SH3BGR: variants seen among roughly 807,000 people sequenced by gnomAD.
SH3BGR encodes SH3 domain binding glutamate rich protein, also known as SH3 domain-binding glutamic acid-rich protein.
Under a neutral mutation model 24.5 loss-of-function variants are expected in SH3BGR, and 29 were observed. The ratio of observed to expected loss-of-function variants is 1.18; its 90% CI spans 0.88 to 1.61. The LOEUF (loss-of-function observed/expected upper bound fraction) is 1.61. Ranked by LOEUF, SH3BGR falls within the 40% of genes most tolerant of loss-of-function variation. The pLI is 0.00. For missense variants in SH3BGR, 162 were observed against 205.8 expected, an observed-to-expected ratio of 0.79 and a Z score of 1.30; for synonymous variants, 55 against 65.7, an observed-to-expected ratio of 0.84 and a Z score of 0.79.
chr21:39,465,516 T>C (rs1400319613), intron 2 of SH3BGR, among the ~76,000 whole-genome samples: 1 of 152,326 alleles, frequency 6.6e-6, no homozygotes, highest in Admixed American at 6.5e-5. Context: ...AAAATCAGAG[T>C]GTATCATATA....
upstream of SH3BGR, among the ~76,000 whole-genome samples, chr21:39,448,724 A>G (rs1386338904): frequency 6.6e-6 from 1 of 152,178 alleles, no homozygotes. Context: ...TCACAGCCAG[A>G]AGGATGAGGG....
chr21:39,449,439 T>C (rs2077548623), upstream of SH3BGR, among the ~76,000 whole-genome samples: 1 of 152,222 alleles, frequency 6.6e-6, no homozygotes, highest in African/African-American at 2.4e-5. Flanking sequence ...CACTAAATTA[T>C]ACACCTTCTT....
chr21:39,469,894 G>T (rs1394047549), intron 2 of SH3BGR, among the ~76,000 whole-genome samples: 1 of 152,014 alleles, frequency 6.6e-6, no homozygotes, highest in East Asian at 1.9e-4. Context: ...GACCTCAGGT[G>T]ATCCACCAGC....
At chr21:39,466,201 T>G (rs2077839104) in intron 2 of SH3BGR, among the ~76,000 whole-genome samples, 1 of 152,214 alleles carries the variant, frequency 6.6e-6, no homozygotes, top group African/African-American at 2.4e-5. Context: ...AGTGGCTAGT[T>G]CTCCGTGACT....
chr21:39,458,466 G>T (rs2077700908), intron 1 of SH3BGR, among the ~76,000 whole-genome samples: 1 of 151,934 alleles, frequency 6.6e-6, no homozygotes, highest in Non-Finnish European at 1.5e-5. Flanking sequence ...AGCCTCCTGA[G>T]TAGCGGGATT....
chr21:39,510,721 G>C (rs1051157149), intron 5 of SH3BGR, among the ~76,000 whole-genome samples: 1 of 151,206 alleles, frequency 6.6e-6, no homozygotes, highest in Non-Finnish European at 1.5e-5. Context: ...CTTCAAAATA[G>C]AATTTTAAAA....
intron 4 of SH3BGR, among the ~76,000 whole-genome samples, chr21:39,505,392 C>G (rs2078565157): frequency 6.6e-6 from 1 of 152,146 alleles, no homozygotes; most frequent in African/African-American, 2.4e-5. Flanking sequence ...ATTCTCTGAG[C>G]AATCACTTCC....
chr21:39,446,458 C>T (rs2077469909), intron 1 of SH3BGR, among the ~76,000 whole-genome samples: 1 of 152,084 alleles, frequency 6.6e-6, no homozygotes, highest in East Asian at 1.9e-4. Context: ...TTCCTACAAG[C>T]GAGGTTGCAG....
chr21:39,465,339 G>C (rs34464506), intron 2 of SH3BGR, among the ~76,000 whole-genome samples: 1 of 152,138 alleles, frequency 6.6e-6, no homozygotes, highest in African/African-American at 2.4e-5. Context: ...TCCTATTGCT[G>C]TCTTGAAATT....
chr21:39,457,575 G>C (rs997395503), intron 1 of SH3BGR, among the ~76,000 whole-genome samples: 1 of 148,436 alleles, frequency 6.7e-6, no homozygotes, highest in African/African-American at 2.5e-5. Context: ...TATATAATTT[G>C]GTCTTGGAGG....
intron 2 of SH3BGR, among the ~76,000 whole-genome samples, chr21:39,468,790 C>T (rs140120788): frequency 6.6e-6 from 1 of 152,278 alleles, no homozygotes; most frequent in East Asian, 1.9e-4. Context: ...TGAATATGCA[C>T]ATAGTTTACT....
intron 3 of SH3BGR, among the ~76,000 whole-genome samples, chr21:39,492,585 T>A (rs2078323813): frequency 6.6e-6 from 1 of 152,002 alleles, no homozygotes; most frequent in South Asian, 2.1e-4. Context: ...GCCATAAATG[T>A]GTGTGCAAGT....
chr21:39,457,525 A>G (rs1003177205), intron 1 of SH3BGR, among the ~76,000 whole-genome samples: 1 of 146,864 alleles, frequency 6.8e-6, no homozygotes, highest in South Asian at 2.1e-4. Flanking sequence ...ATATAGTTAT[A>G]TATAAATCTT....
intron 4 of SH3BGR, among the ~76,000 whole-genome samples, chr21:39,507,773 T>C (rs1256702438): frequency 6.6e-6 from 1 of 152,172 alleles, no homozygotes; most frequent in Non-Finnish European, 1.5e-5. Flanking sequence ...TGCCTCTGGA[T>C]GCCTGGCTAA....
intron 3 of SH3BGR, among the ~76,000 whole-genome samples, chr21:39,496,364 G>T (rs1002213982): frequency 2.0e-5 from 3 of 152,026 alleles, no homozygotes; most frequent in Admixed American, 6.5e-5. Flanking sequence ...GCCGGGTGCG[G>T]TGGCGGGCAC....
Position 39,462,636 on chromosome 21 carries a change from G to T in SH3BGR, c.231+76G>T, listed in dbSNP as rs997253804. On this transcript the variant is annotated intron_variant, in intron 2 of 6. Transcript: ENST00000333634. ...ATTTTCTAAAGCAGATTAAGTTTGAGTCAGCATTTGAAATTATTCACAACT... is the reference window on the plus strand; with the variant it reads ...ATTTTCTAAAGCAGATTAAGTTTGATTCAGCATTTGAAATTATTCACAACT... 124 of 1,059,522 alleles carry T rather than the reference G, an allele frequency of 1.2e-4. 1 individual carries two copies. The African/African-American group carries it at 1.9e-3, about 16-fold the overall frequency. The allele number at this position is 1,059,522 out of a possible 1,614,324, so 65.6% of individuals were successfully genotyped here.
At chr21:39,465,522 A>T (rs772889010) in intron 2 of SH3BGR, among the ~76,000 whole-genome samples, 1 of 152,208 alleles carries the variant, frequency 6.6e-6, no homozygotes, top group African/African-American at 2.4e-5. Context: ...AGAGTGTATC[A>T]TATACGACTT....
At chr21:39,501,171 T>C (rs1156779320) in intron 4 of SH3BGR, among the ~76,000 whole-genome samples, 2 of 152,268 alleles carry the variant, frequency 1.3e-5, no homozygotes, top group Non-Finnish European at 2.9e-5. Context: ...TACAGTCATA[T>C]TGATGAATAC....
At chr21:39,495,568 C>T (rs916930709) in intron 3 of SH3BGR, among the ~76,000 whole-genome samples, 18 of 151,678 alleles carry the variant, frequency 1.2e-4, no homozygotes, top group African/African-American at 4.1e-4. Context: ...CAGCTTCAGA[C>T]TCCTGGGCTC....
Sources: gnomAD v4.1 joint callset for allele counts (sites outside exome capture counted in the v4.1 genomes callset) on GRCh38, gnomAD v4.1.1 for gene constraint, MANE v1.5 for transcripts, NCBI Gene and HGNC (gene_info 2026-07-23, HGNC 2026-07-21) for gene names.